The following FAAH2 variants were observed in gnomAD, a reference collection of about 807,000 sequenced individuals.
The protein encoded by FAAH2 is fatty acid amide hydrolase 2, also known as fatty-acid amide hydrolase 2.
A neutral mutation model predicts 36.9 loss-of-function variants in FAAH2; 60 were observed. The ratio of observed to expected loss-of-function variants is 1.63; its 90% CI spans 1.32 to 2.02. The LOEUF (loss-of-function observed/expected upper bound fraction) is 2.02. FAAH2 is among the 30% of genes most tolerant of loss of function. The pLI is 0.00. For missense variants in FAAH2, 689 were observed against 397.5 expected, an observed-to-expected ratio of 1.73 and a Z score of -6.23; for synonymous variants, 214 against 143.8, an observed-to-expected ratio of 1.49 and a Z score of -3.49.
intron 7 of FAAH2, among the ~76,000 whole-genome samples, chrX:57,387,366 C>A (rs1030323367): frequency 9.0e-6 from 1 of 110,985 alleles, no homozygotes; most frequent in Non-Finnish European, 1.9e-5. Context: ...TCAAGGAGTG[C>A]TATTTTAAAA....
the FAAH2 span, among the ~76,000 whole-genome samples, chrX:57,213,855 T>C: frequency 1.8e-5 from 2 of 112,073 alleles, no homozygotes; most frequent in Admixed American, 1.9e-4. Context: ...TGGTCTATTG[T>C]GCAAACTATG....
rs190423388 is a variant in FAAH2, at chrX:57,378,387, G to A, written c.743-264G>A. Among the ~76,000 whole-genome samples the A allele has an allele frequency of 1.7e-3, 191 of 111,051 alleles. 1 individual carries two copies. Among genetic ancestry groups the A allele is most frequent in the African/African-American group, 5.9e-3 (181 of 30,634 alleles). On this transcript the variant is annotated intron_variant, in intron 5 of 10. Coordinates refer to ENST00000374900, the MANE Select transcript of FAAH2 (RefSeq NM_174912.4). ...CCAGAAAGAGAGAATAGCCTAATAA[G>A]TAGGGACCCTGTTTCCATCAGAGTA...
chrX:57,379,338 A>G (rs972198517), intron 6 of FAAH2, among the ~76,000 whole-genome samples: 3 of 111,407 alleles, frequency 2.7e-5, no homozygotes, highest in Non-Finnish European at 5.7e-5. Flanking sequence ...GTTTCTTACC[A>G]TCACATTTTT....
intron 7 of FAAH2, among the ~76,000 whole-genome samples, chrX:57,417,034 G>T (rs2055864021): frequency 9.0e-6 from 1 of 111,127 alleles, no homozygotes; most frequent in Admixed American, 9.6e-5. Context: ...ATTGATACTT[G>T]TGTATGCTTC....
chrX:57,125,915 ACACCTACATTT>A, the FAAH2 span, among the ~76,000 whole-genome samples: 212 of 112,285 alleles, frequency 1.9e-3, 1 homozygote, highest in African/African-American at 6.4e-3. Flanking sequence ...AAACTACAAA[ACACCTACATTT>A]CCATCAGCAG....
chrX:57,146,223 G>C, the FAAH2 span, among the ~76,000 whole-genome samples: 1 of 110,717 alleles, frequency 9.0e-6, no homozygotes, highest in African/African-American at 3.3e-5. Flanking sequence ...CCATTTGTTT[G>C]TGTTATCTGT....
chrX:57,480,032 G>A (rs1309948418), intron 10 of FAAH2, among the ~76,000 whole-genome samples: 7 of 111,314 alleles, frequency 6.3e-5, no homozygotes. Flanking sequence ...TAAATTCCTC[G>A]ACACATACAC....
Position 57,383,721 on chromosome X carries a change from T to A in FAAH2, c.996+2692T>A, listed in dbSNP as rs2054924859. Reference sequence around the variant, plus strand: ...ATTCCATGCTCATGGATAGGAAAAATCAATATCATGAAAATGGTCATACTG... The same window carrying A: ...ATTCCATGCTCATGGATAGGAAAAAACAATATCATGAAAATGGTCATACTG... On this transcript the variant is annotated intron_variant, in intron 7 of 10. Transcript: ENST00000374900. Among the ~76,000 whole-genome samples the A allele has an allele frequency of 4.5e-5, 5 of 111,508 alleles. No individual in the cohort carries two copies. The South Asian group carries it at 1.9e-3, about 42-fold the overall frequency.
intron 7 of FAAH2, among the ~76,000 whole-genome samples, chrX:57,385,009 T>C (rs986420579): frequency 3.6e-5 from 4 of 110,963 alleles, no homozygotes; most frequent in African/African-American, 1.3e-4. Flanking sequence ...AAACCATTAT[T>C]CTCAGCAAAC....
At chrX:57,421,628 A>G (rs1426103561) in intron 7 of FAAH2, among the ~76,000 whole-genome samples, 1 of 111,269 alleles carries the variant, frequency 9.0e-6, no homozygotes, top group Non-Finnish European at 1.9e-5. Flanking sequence ...CCTCACTCTT[A>G]TGATCTCATT....
At chrX:57,451,800 A>T (rs2056788061) in intron 10 of FAAH2, among the ~76,000 whole-genome samples, 1 of 111,983 alleles carries the variant, frequency 8.9e-6, no homozygotes, top group African/African-American at 3.2e-5. Flanking sequence ...TGCAAAAAAA[A>T]TTTATTTGTC....
intron 7 of FAAH2, among the ~76,000 whole-genome samples, chrX:57,411,167 A>C (rs1569325655): frequency 9.0e-6 from 1 of 111,506 alleles, no homozygotes; most frequent in African/African-American, 3.3e-5. Flanking sequence ...CACTCTTCTT[A>C]ATTATTCTTA....
At chrX:57,163,403 C>G in the FAAH2 span, among the ~76,000 whole-genome samples, 2 of 112,104 alleles carry the variant, frequency 1.8e-5, no homozygotes, top group Non-Finnish European at 3.8e-5. Context: ...TTCGAGCTTC[C>G]TGGCTGCTTT....
At chrX:57,273,378 C>A in the FAAH2 span, among the ~76,000 whole-genome samples, 6 of 111,541 alleles carry the variant, frequency 5.4e-5, no homozygotes, top group African/African-American at 2.0e-4. Flanking sequence ...CAGTGATATT[C>A]AAGACTTGAA....
At position 57,432,029 on chromosome X, in the gene FAAH2, G is replaced by T. The variant is rs751948173; in HGVS notation, c.1108G>T (p.Asp370Tyr). The change falls in exon 8 of 11, where the codon GAT becomes TAT. Residue 370 changes from aspartate to tyrosine, a missense_variant. Asp to Tyr is a radical substitution (Grantham distance 160, BLOSUM62 -3). Coordinates refer to ENST00000374900, the MANE Select transcript of FAAH2 (RefSeq NM_174912.4). The part of the protein sequence containing the change: ...WIAMMSAKGH[D>Y]GKEPVKFVDL... ...CGCAATGATGTCAGCAAAGGGACAT[G>T]ATGGGAAGGTATTTTTACCTCTTTC... is the stretch of plus-strand genomic sequence containing the variant. The T allele has an allele frequency of 2.5e-6, 3 of 1,194,064 alleles. No homozygotes were observed. The highest frequency in any genetic ancestry group is 1.9e-5 in the South Asian group (1 of 53,797).
At chrX:57,240,830 G>A in the FAAH2 span, among the ~76,000 whole-genome samples, 1 of 112,377 alleles carries the variant, frequency 8.9e-6, no homozygotes, top group African/African-American at 3.2e-5. Flanking sequence ...ATCTGAGTCT[G>A]TGCTACAAGC....
chrX:57,176,979 TAAAGCTTATCTTGTTC>T, the FAAH2 span, among the ~76,000 whole-genome samples: 1 of 110,362 alleles, frequency 9.1e-6, no homozygotes, highest in East Asian at 2.9e-4. Context: ...AGAGGTCCCA[TAAAGCTTATCTTGTTC>T]CCCCAGTAGT....
At chrX:57,352,710 A>T (rs2054056409) in intron 5 of FAAH2, among the ~76,000 whole-genome samples, 1 of 111,081 alleles carries the variant, frequency 9.0e-6, no homozygotes, top group African/African-American at 3.2e-5. Context: ...ATATAGAAAA[A>T]CCCTAAGAAC....
chrX:57,428,545 C>A (rs777339869), intron 7 of FAAH2, among the ~76,000 whole-genome samples: 1 of 111,815 alleles, frequency 8.9e-6, no homozygotes, highest in African/African-American at 3.2e-5. Flanking sequence ...AAAATAGACA[C>A]ATAGATCAAA....
Sources: gnomAD v4.1 joint callset for allele counts (sites outside exome capture counted in the v4.1 genomes callset) on GRCh38, gnomAD v4.1.1 for gene constraint, MANE v1.5 for transcripts, NCBI Gene and HGNC (gene_info 2026-07-23, HGNC 2026-07-21) for gene names.